Variants in ABHD12B observed in about 807,000 individuals in gnomAD.
The protein encoded by ABHD12B is abhydrolase domain containing 12B.
A neutral mutation model predicts 50.4 loss-of-function variants in ABHD12B; 42 were observed. The observed-to-expected ratio is 0.83, with a 90% CI of 0.65 to 1.08. ABHD12B has a LOEUF of 1.08. Ranked by LOEUF, ABHD12B falls within the 50% of genes least tolerant of loss-of-function variation. The pLI, the probability that ABHD12B is intolerant of heterozygous loss-of-function variation, is 0.00. For synonymous variants in ABHD12B, 167 were observed against 160.3 expected, an observed-to-expected ratio of 1.04 and a Z score of -0.32; for missense variants, 479 against 447.7, an observed-to-expected ratio of 1.07 and a Z score of -0.63.
At chr14:50,876,881 A>G (rs17793937) in intron 1 of ABHD12B, among the ~76,000 whole-genome samples, 28,207 of 152,164 alleles carry the variant, frequency 0.19, 3,051 homozygotes, top group Middle Eastern at 0.32. Context: ...ATGATCTCTT[A>G]CAACATGGAA....
Position 50,896,237 on chromosome 14 carries a change from G to A in ABHD12B, c.781-5592G>A, listed in dbSNP as rs540151670. On this transcript the variant is annotated intron_variant, in intron 9 of 12. Transcript: ENST00000337334. The stretch of plus-strand genomic sequence containing the variant: ...ACCTGCTACAGCATGGCCTTTTAAA[G>A]CCTATAAACTCTCCTTACAATTCCC... Among the ~76,000 whole-genome samples, 10 of 152,210 alleles carry A rather than the reference G, an allele frequency of 6.6e-5. No homozygotes were observed. In the South Asian group the frequency reaches 2.1e-3, roughly 32 times the overall value.
chr14:50,901,214 A>G (rs1158607385), intron 9 of ABHD12B, among the ~76,000 whole-genome samples: 1 of 152,248 alleles, frequency 6.6e-6, no homozygotes, highest in Non-Finnish European at 1.5e-5. Flanking sequence ...CATGTTGACT[A>G]TGTGAGTCAA....
At chr14:50,902,011 A>G (rs1044659107) in intron 10 of ABHD12B, 100 bp downstream of exon 10, 1 of 704,694 alleles carries the variant, frequency 1.4e-6, no homozygotes. Context: ...GACATCCTGA[A>G]TATCATTCTT....
At position 50,878,846 on chromosome 14, in the gene ABHD12B, T is replaced by C. The variant is rs994475224; in HGVS notation, c.334T>C (p.Trp112Arg). The change falls in exon 3 of 13, where the codon TGG becomes CGG. Residue 112 changes from tryptophan to arginine, a missense_variant and splice_region_variant. Transcript: ENST00000337334. ...TGAACCTGGGGTGATGCTAGGGATC[T>C]GGTGAGTGCACGGATGGGACACCGG... ...RVEPGVMLGIWHTVPSCRGED... is the reference protein window; with the variant it reads ...RVEPGVMLGIRHTVPSCRGED... 70 of 1,613,244 alleles carry C rather than the reference T, an allele frequency of 4.3e-5. No homozygotes were observed. The highest frequency in any genetic ancestry group is 5.5e-5 in the Non-Finnish European group (65 of 1,179,330).
At chr14:50,886,061 C>T (rs112326697) in intron 7 of ABHD12B, among the ~76,000 whole-genome samples, 166 bp downstream of exon 7, 1 of 152,128 alleles carries the variant, frequency 6.6e-6, no homozygotes, top group Non-Finnish European at 1.5e-5. Flanking sequence ...TCTTACCATG[C>T]TATTTGTAAA....
intron 1 of ABHD12B, among the ~76,000 whole-genome samples, chr14:50,874,090 C>A (rs962763705): frequency 2.0e-5 from 3 of 152,198 alleles, no homozygotes; most frequent in African/African-American, 7.2e-5. Flanking sequence ...TCATGGAGGG[C>A]TTGCCATGCC....
chr14:50,874,531 C>T (rs913625623), intron 1 of ABHD12B, among the ~76,000 whole-genome samples: 37 of 151,392 alleles, frequency 2.4e-4, no homozygotes, highest in African/African-American at 7.3e-4. Context: ...ACCTGGGAGG[C>T]GGAGGTTGGA....
intron 1 of ABHD12B, among the ~76,000 whole-genome samples, chr14:50,876,989 G>A (rs1366658554): frequency 6.6e-6 from 1 of 152,212 alleles, no homozygotes; most frequent in African/African-American, 2.4e-5. Context: ...CCTCACAAGA[G>A]AGGTGGCTTG....
At chr14:50,883,826 AT>A (rs1365783196) in intron 5 of ABHD12B, among the ~76,000 whole-genome samples, 3 of 152,280 alleles carry the variant, frequency 2.0e-5, no homozygotes, top group Non-Finnish European at 4.4e-5. Flanking sequence ...CTTTAAAAAA[AT>A]AAATTTTCAT....
chr14:50,880,862 T>A (rs1280015843), intron 4 of ABHD12B, among the ~76,000 whole-genome samples: 1 of 152,156 alleles, frequency 6.6e-6, no homozygotes, highest in East Asian at 1.9e-4. Context: ...GTGTCTGAAA[T>A]GATGGATTGA....
intron 6 of ABHD12B, 44 bp downstream of exon 6, chr14:50,885,703 G>A (rs2142740853): frequency 1.2e-6 from 2 of 1,614,160 alleles, no homozygotes; most frequent in Non-Finnish European, 8.5e-7. Flanking sequence ...AGTAACCAGG[G>A]GGCCTCTGAT....
chr14:50,902,544 C>A (rs536281170), intron 10 of ABHD12B, among the ~76,000 whole-genome samples: 80 of 152,280 alleles, frequency 5.3e-4, no homozygotes, highest in Non-Finnish European at 9.8e-4. Flanking sequence ...CTTCTAGGCC[C>A]TTTTCCCCAT....
chr14:50,902,216 C>T (rs905716819), intron 10 of ABHD12B, among the ~76,000 whole-genome samples: 4 of 152,110 alleles, frequency 2.6e-5, no homozygotes, highest in South Asian at 2.1e-4. Context: ...GTAGTGTTAG[C>T]GTATGCCTAT....
At chr14:50,874,818 T>C (rs929221395) in intron 1 of ABHD12B, among the ~76,000 whole-genome samples, 3 of 152,230 alleles carry the variant, frequency 2.0e-5, no homozygotes, top group Non-Finnish European at 4.4e-5. Context: ...ATTCTAGTCT[T>C]GGTCACACAG....
rs1278870232 is a variant in ABHD12B, at chr14:50,872,206, C to T, written c.32C>T (p.Ser11Leu). The T allele has an allele frequency of 1.5e-6, 2 of 1,373,890 alleles. No homozygotes were observed. Among genetic ancestry groups the T allele is most frequent in the Non-Finnish European group, 1.9e-6 (2 of 1,062,050 alleles). The allele number at this position is 1,373,890 out of a possible 1,614,324, so 85.1% of individuals were successfully genotyped here. MDAQDCQAAA[S>L]PEPPGPPARS... ...GCGCAGGACTGCCAGGCGGCCGCAT[C>T]GCCCGAGCCGCCCGGGCCCCCAGCC... The change falls in exon 1 of 13, where the codon TCG (serine) becomes TTG (leucine). Residue 11 changes from serine to leucine, a missense_variant. Physicochemically the swap from Ser to Leu is moderately radical, Grantham distance 145. Coordinates refer to ENST00000337334, the MANE Select transcript of ABHD12B (RefSeq NM_001206673.2).
chr14:50,888,937 A>T, intron 9 of ABHD12B, 34 bp downstream of exon 9: 1 of 1,580,092 alleles, frequency 6.3e-7, no homozygotes, highest in Non-Finnish European at 8.7e-7. Flanking sequence ...AAGGGATCAA[A>T]GTAGGCTATT....
chr14:50,904,279 A>G, intron 12 of ABHD12B, 60 bp from the exon 13 acceptor site: 4 of 1,613,686 alleles, frequency 2.5e-6, no homozygotes, highest in Non-Finnish European at 2.5e-6. Context: ...GAAAATGTAT[A>G]ATATTTTGCT....
At chr14:50,881,563 C>CCT (rs2049947968) in intron 4 of ABHD12B, 33 bp from the exon 5 acceptor site, 6 of 1,411,458 alleles carry the variant, frequency 4.3e-6, no homozygotes, top group African/African-American at 3.0e-5. Context: ...CTAATTCTTG[C>CCT]TTTTTTTTTT....
At chr14:50,904,302 G>C in intron 12 of ABHD12B, 37 bp from the exon 13 acceptor site, 1 of 1,614,068 alleles carries the variant, frequency 6.2e-7, no homozygotes, top group Non-Finnish European at 8.5e-7. Flanking sequence ...TTTAGGTAGG[G>C]AAAGGGTGTG....
Sources: gnomAD v4.1 joint callset for allele counts (sites outside exome capture counted in the v4.1 genomes callset) on GRCh38, gnomAD v4.1.1 for gene constraint, MANE v1.5 for transcripts, NCBI Gene and HGNC (gene_info 2026-07-23, HGNC 2026-07-21) for gene names.